Variants in NKD2 observed in about 807,000 individuals in gnomAD.
NKD2 encodes protein naked cuticle homolog 2.
NKD2 carries 43 observed loss-of-function variants against 34.8 expected under a neutral mutation model. That is an observed-to-expected ratio of 1.24 (90% CI 0.97 to 1.60). The LOEUF is 1.60. Among genes scored for constraint, NKD2 ranks in the 40% most tolerant of loss-of-function variants. NKD2 has a pLI of 0.00. For missense variants in NKD2, 675 were observed against 627.1 expected (o/e 1.08, Z -0.82); for synonymous variants, 278 against 265.1 (o/e 1.05, Z -0.47).
chr5:1,029,530 CCTGTCTGT>C (rs1756556183), intron 3 of NKD2, among the ~76,000 whole-genome samples: 5 of 152,182 alleles, frequency 3.3e-5, no homozygotes, highest in African/African-American at 1.2e-4. Context: ...CATTTACACT[CCTGTCTGT>C]AACCAGTGAA....
intron 3 of NKD2, among the ~76,000 whole-genome samples, chr5:1,029,029 C>T (rs1176115391): frequency 1.3e-5 from 2 of 152,220 alleles, no homozygotes. Context: ...TTATAAGTTG[C>T]AATTAAAGCT....
chr5:1,036,397 G>A lies in NKD2; in HGVS notation c.787+13G>A, dbSNP rs1353554115. ...AGATTCGGCCCTGGTAGGTCCTGGA[G>A]GCCACCCTGGGCGTGAGGCCCTGGC... On this transcript the variant is annotated intron_variant, in intron 9 of 9. Transcript: ENST00000296849. 2 of 1,607,822 alleles carry A rather than the reference G, an allele frequency of 1.2e-6. No homozygotes were observed. Among genetic ancestry groups the A allele is most frequent in the African/African-American group, 2.7e-5 (2 of 74,800 alleles).
intron 3 of NKD2, among the ~76,000 whole-genome samples, chr5:1,031,168 G>A (rs1023521473): frequency 6.6e-6 from 1 of 152,164 alleles, no homozygotes; most frequent in Admixed American, 6.5e-5. Context: ...CAGGGACCCC[G>A]GCAGGGCAGA....
At chr5:1,037,253 C>A (rs1415673252) in intron 9 of NKD2, among the ~76,000 whole-genome samples, 1 of 152,140 alleles carries the variant, frequency 6.6e-6, no homozygotes, top group Non-Finnish European at 1.5e-5. Flanking sequence ...AAGTCTCTCT[C>A]ATAACCCCGG....
chr5:1,012,157 C>A (rs1164894714), intron 3 of NKD2, among the ~76,000 whole-genome samples: 1 of 152,274 alleles, frequency 6.6e-6, no homozygotes, highest in African/African-American at 2.4e-5. Context: ...GCTTTAATTT[C>A]TACAGCGCTC....
intron 9 of NKD2, 22 bp downstream of exon 9, chr5:1,036,406 G>A (rs60180971): frequency 0.45 from 726,307 of 1,602,430 alleles, 170,623 homozygotes; most frequent in Non-Finnish European, 0.48. Context: ...AGGCCACCCT[G>A]GGCGTGAGGC....
chr5:1,014,554 G>A (rs1755874120), intron 3 of NKD2, among the ~76,000 whole-genome samples: 2 of 152,338 alleles, frequency 1.3e-5, no homozygotes, highest in African/African-American at 2.4e-5. Flanking sequence ...CATCTGCCTT[G>A]TAGGAGTGGC....
intron 3 of NKD2, among the ~76,000 whole-genome samples, chr5:1,021,995 T>C (rs1427542783): frequency 2.0e-5 from 3 of 152,152 alleles, no homozygotes; most frequent in African/African-American, 7.2e-5. Context: ...CTTCCCTGTT[T>C]CCTGCTGGCC....
intron 9 of NKD2, chr5:1,036,722 A>G (rs150819928): frequency 2.0e-6 from 1 of 510,018 alleles, no homozygotes; most frequent in Non-Finnish European, 3.8e-6. Flanking sequence ...GTGAGAAGTC[A>G]GTATTTTAGG....
rs139622181 is a variant in NKD2 at position 1,020,983 on chromosome 5, A to G, written c.142-11169A>G. Among the ~76,000 whole-genome samples, 138 of 152,234 alleles carry G rather than the reference A, an allele frequency of 9.1e-4. 1 individual carries two copies. The highest frequency in any genetic ancestry group is 3.4e-3 in the Middle Eastern group (1 of 294). On this transcript the variant is annotated intron_variant, in intron 3 of 9. Transcript: ENST00000296849. ...GGGGCGTGGGTAGTGTGGCACCTCCACGTTTTCCCATTTAAACAATCCAGA... is the reference window on the plus strand; with the variant it reads ...GGGGCGTGGGTAGTGTGGCACCTCCGCGTTTTCCCATTTAAACAATCCAGA...
At chr5:1,010,692 A>C (rs114679270) in intron 3 of NKD2, among the ~76,000 whole-genome samples, 1 of 152,148 alleles carries the variant, frequency 6.6e-6, no homozygotes, top group African/African-American at 2.4e-5. Context: ...TCCCCGCCCC[A>C]ATCTGGCTCT....
intron 3 of NKD2, among the ~76,000 whole-genome samples, chr5:1,019,178 G>C (rs1756075977): frequency 6.6e-6 from 1 of 152,188 alleles, no homozygotes; most frequent in Non-Finnish European, 1.5e-5. Context: ...CCCTGTGCCA[G>C]CTGCTCCTCT....
chr5:1,026,788 T>G (rs1756430423), intron 3 of NKD2, among the ~76,000 whole-genome samples: 1 of 152,252 alleles, frequency 6.6e-6, no homozygotes. Context: ...AGGAGGTCAC[T>G]GCTGGCCTGG....
chr5:1,025,063 G>A (rs369661424), intron 3 of NKD2, among the ~76,000 whole-genome samples: 1 of 21,766 alleles, frequency 4.6e-5, no homozygotes, highest in African/African-American at 7.7e-5. Context: ...GTCCCAGCCC[G>A]TTGTCCCTGC....
intron 3 of NKD2, among the ~76,000 whole-genome samples, chr5:1,022,260 C>G (rs1206209599): frequency 8.4e-6 from 1 of 118,826 alleles, no homozygotes; most frequent in Non-Finnish European, 1.8e-5. Context: ...CCGCTGTGGG[C>G]GTCTCAGCCC....
chr5:1,019,119 G>C (rs969082233), intron 3 of NKD2, among the ~76,000 whole-genome samples: 7 of 152,172 alleles, frequency 4.6e-5, no homozygotes, highest in Admixed American at 3.3e-4. Flanking sequence ...CCGGGGCGGT[G>C]GTCCTGGCTG....
At chr5:1,014,370 C>T (rs997428745) in intron 3 of NKD2, among the ~76,000 whole-genome samples, 4 of 152,204 alleles carry the variant, frequency 2.6e-5, no homozygotes, top group Admixed American at 6.5e-5. Flanking sequence ...CAGACGCACA[C>T]GCGACTCCTG....
chr5:1,012,361 G>T (rs932089710), intron 3 of NKD2, among the ~76,000 whole-genome samples: 6 of 152,256 alleles, frequency 3.9e-5, no homozygotes, highest in African/African-American at 1.4e-4. Context: ...TGGCCTGCAC[G>T]GGGGGCTCTT....
At chr5:1,019,668 C>T (rs1756097799) in intron 3 of NKD2, among the ~76,000 whole-genome samples, 1 of 152,194 alleles carries the variant, frequency 6.6e-6, no homozygotes, top group African/African-American at 2.4e-5. Context: ...CAAATATAAG[C>T]CCCTCAACCA....
Sources: gnomAD v4.1 joint callset for allele counts (sites outside exome capture counted in the v4.1 genomes callset) on GRCh38, gnomAD v4.1.1 for gene constraint, MANE v1.5 for transcripts, NCBI Gene and HGNC (gene_info 2026-07-23, HGNC 2026-07-21) for gene names.